SPPL3: variants seen among roughly 807,000 people sequenced by gnomAD.
SPPL3 encodes signal peptide peptidase like 3.
Under a neutral mutation model 42.4 loss-of-function variants are expected in SPPL3, and 5 were observed. The ratio of observed to expected loss-of-function variants is 0.12; its 90% CI spans 0.06 to 0.25. The LOEUF (loss-of-function observed/expected upper bound fraction) is 0.25. Ranked by LOEUF, SPPL3 falls within the 10% of genes least tolerant of loss-of-function variation. The pLI is 1.00. For missense variants in SPPL3, 235 were observed against 489.0 expected, an observed-to-expected ratio of 0.48 and a Z score of 4.90; for synonymous variants, 195 against 181.8, an observed-to-expected ratio of 1.07 and a Z score of -0.58.
intron 1 of SPPL3, among the ~76,000 whole-genome samples, chr12:120,815,675 A>G (rs1870844588): frequency 1.3e-5 from 2 of 151,930 alleles, no homozygotes; most frequent in Admixed American, 1.3e-4. Context: ...ATCAATGGAG[A>G]CTCTCTAGAA....
chr12:120,876,616 C>CAAAAAAAAAAAAAAAAA (rs71076676), intron 1 of SPPL3, among the ~76,000 whole-genome samples: 8 of 51,214 alleles, frequency 1.6e-4, no homozygotes, highest in Middle Eastern at 0.014. Flanking sequence ...GACTCTGTCT[C>CAAAAAAAAAAAAAAAAA]AAAAAAAAAA....
intron 2 of SPPL3, among the ~76,000 whole-genome samples, chr12:120,800,033 G>T (rs1870236556): frequency 6.6e-6 from 1 of 152,152 alleles, no homozygotes; most frequent in Non-Finnish European, 1.5e-5. Context: ...TGCTAGGTTG[G>T]ACCTAGAACA....
At chr12:120,865,908 T>C (rs545719504) in intron 1 of SPPL3, among the ~76,000 whole-genome samples, 1 of 152,304 alleles carries the variant, frequency 6.6e-6, no homozygotes, top group South Asian at 2.1e-4. Context: ...GAGTTCTACC[T>C]CCTGTCAGAT....
At position 120,783,769 on chromosome 12, in the gene SPPL3, T is replaced by C. The variant is rs1160252912; in HGVS notation, c.311-17A>G. On this transcript the variant is annotated splice_polypyrimidine_tract_variant and intron_variant, in intron 4 of 10. Coordinates refer to ENST00000353487, the MANE Select transcript of SPPL3 (RefSeq NM_139015.5). ...TTGCAAGAACTAGAGAAAGAAAAGG[T>C]ATAATTTTTTAAAACAATTATAAGA... 6.2e-7 allele frequency: 1 copy of C among 1,609,026 alleles called. No individual in the cohort carries two copies. The highest frequency in any genetic ancestry group is 1.3e-5 in the African/African-American group (1 of 74,656).
chr12:120,880,882 C>CAA (rs58936035), intron 1 of SPPL3, among the ~76,000 whole-genome samples: 2 of 140,114 alleles, frequency 1.4e-5, no homozygotes, highest in Non-Finnish European at 3.1e-5. Context: ...TCAACCCAGC[C>CAA]AAAAAAAAAA....
chr12:120,878,591 T>C (rs1378389403), intron 1 of SPPL3, among the ~76,000 whole-genome samples: 1 of 152,172 alleles, frequency 6.6e-6, no homozygotes, highest in Non-Finnish European at 1.5e-5. Context: ...ATAGAGACAA[T>C]CTTTCATTTC....
intron 1 of SPPL3, among the ~76,000 whole-genome samples, chr12:120,886,699 C>A (rs931089542): frequency 2.0e-5 from 3 of 152,138 alleles, no homozygotes; most frequent in Non-Finnish European, 2.9e-5. Context: ...TGAAAGAAAA[C>A]CCGGCAGTAA....
At chr12:120,888,324 C>T (rs1272659990) in intron 1 of SPPL3, among the ~76,000 whole-genome samples, 3 of 152,192 alleles carry the variant, frequency 2.0e-5, no homozygotes. Context: ...GATCCACCTG[C>T]CTCAGCCTTT....
intron 2 of SPPL3, among the ~76,000 whole-genome samples, chr12:120,792,154 C>T (rs1869937888): frequency 1.3e-5 from 2 of 152,052 alleles, no homozygotes; most frequent in South Asian, 4.2e-4. Flanking sequence ...AGGAGGAAAA[C>T]TAGGAAATGC....
intron 5 of SPPL3, among the ~76,000 whole-genome samples, chr12:120,783,038 G>GTATGGAGGAAATTCTATTCT (rs1376271627): frequency 6.6e-6 from 1 of 152,170 alleles, no homozygotes; most frequent in African/African-American, 2.4e-5. Flanking sequence ...AAGCTAATAA[G>GTATGGAGGAAATTCTATTCT]TATGGAGGAA....
chr12:120,859,323 G>T (rs71454669), intron 1 of SPPL3, among the ~76,000 whole-genome samples: 16 of 152,046 alleles, frequency 1.1e-4, no homozygotes, highest in Non-Finnish European at 1.9e-4. Flanking sequence ...GGATAATTTT[G>T]GATTTTGTGA....
At chr12:120,847,602 T>C (rs995842343) in intron 1 of SPPL3, among the ~76,000 whole-genome samples, 1 of 152,012 alleles carries the variant, frequency 6.6e-6, no homozygotes, top group African/African-American at 2.4e-5. Flanking sequence ...CCTTATTTTT[T>C]ATTTTTTTAA....
At chr12:120,771,269 A>G (rs1431737645) in intron 6 of SPPL3, among the ~76,000 whole-genome samples, 1 of 152,202 alleles carries the variant, frequency 6.6e-6, no homozygotes, top group Non-Finnish European at 1.5e-5. Context: ...GTGACCCTTC[A>G]GGTCACCTCC....
chr12:120,875,117 G>GA (rs1243447061), intron 1 of SPPL3, among the ~76,000 whole-genome samples: 1 of 152,120 alleles, frequency 6.6e-6, no homozygotes, highest in African/African-American at 2.4e-5. Context: ...CTCAGCAGAG[G>GA]ACACAGGCAT....
At chr12:120,900,549 T>C (rs1368638871) in intron 1 of SPPL3, among the ~76,000 whole-genome samples, 3 of 150,014 alleles carry the variant, frequency 2.0e-5, no homozygotes, top group Non-Finnish European at 4.4e-5. Flanking sequence ...TGCTGTGATC[T>C]TGCCACTGCA....
chr12:120,823,557 T>C (rs1871139860), intron 1 of SPPL3, among the ~76,000 whole-genome samples: 1 of 152,206 alleles, frequency 6.6e-6, no homozygotes, highest in Non-Finnish European at 1.5e-5. Flanking sequence ...CCCTGCTCTC[T>C]GGCTCCGTAT....
chr12:120,782,774 AACAC>A lies in SPPL3; in HGVS notation c.390-11_390-8del. The A allele has an allele frequency of 6.3e-7, 1 of 1,588,826 alleles. No homozygotes were observed. Among genetic ancestry groups the A allele is most frequent in the Non-Finnish European group, 8.6e-7 (1 of 1,163,734 alleles). Reference sequence around the variant, plus strand: ...ACAGCAACCAAAGGAAATCCTGGAAAACACACAACACTTATTGGACAGTGGGCAC... The same window carrying A: ...ACAGCAACCAAAGGAAATCCTGGAAAACAACACTTATTGGACAGTGGGCAC... On this transcript the variant is annotated splice_region_variant and splice_polypyrimidine_tract_variant and intron_variant, in intron 5 of 10. Transcript: ENST00000353487.
intron 2 of SPPL3, among the ~76,000 whole-genome samples, chr12:120,805,459 G>T (rs1467333333): frequency 6.6e-6 from 1 of 152,184 alleles, no homozygotes; most frequent in East Asian, 1.9e-4. Context: ...GAAGGATTAG[G>T]AACAGGGCAA....
intron 2 of SPPL3, among the ~76,000 whole-genome samples, chr12:120,792,772 C>T (rs1269440368): frequency 1.3e-5 from 2 of 150,340 alleles, no homozygotes; most frequent in Non-Finnish European, 3.0e-5. Context: ...TCTGCACTGA[C>T]AAGTGCTGTG....
Sources: allele counts gnomAD v4.1 joint callset (sites outside exome capture counted in the v4.1 genomes callset), GRCh38; gene constraint gnomAD v4.1.1; transcripts MANE v1.5; gene names NCBI Gene and HGNC (gene_info 2026-07-23, HGNC 2026-07-21).